The following NPC1 variants were observed in gnomAD, a reference collection of about 807,000 sequenced individuals.
The protein encoded by NPC1 is Niemann-Pick C1 protein.
NPC1 carries 85 observed loss-of-function variants against 140.4 expected under a neutral mutation model. The observed-to-expected ratio is 0.61, with a 90% CI of 0.51 to 0.72. NPC1 has a LOEUF of 0.72. NPC1 is among the 30% of genes least tolerant of loss of function. NPC1 has a pLI of 0.00. For missense variants in NPC1, 1,504 were observed against 1,623.8 expected (o/e 0.93, Z 1.27); for synonymous variants, 656 against 624.8 (o/e 1.05, Z -0.74).
rs774299911 is a variant in NPC1 at position 23,543,552 on chromosome 18, T to C, written c.2148A>G (p.Gln716=). 2.5e-6 allele frequency: 4 copies of C among 1,589,900 alleles called. No homozygotes were observed. Among genetic ancestry groups the C allele is most frequent in the Non-Finnish European group, 2.6e-6 (3 of 1,164,948 alleles). The change falls in exon 14 of 25, where the codon CAA becomes CAG. Residue 716 remains glutamine (Q), a synonymous_variant. Coordinates refer to ENST00000269228, the MANE Select transcript of NPC1 (RefSeq NM_000271.5). ...VQAYQRDERL[Q]GETLDQQLGR... ...CCAGCTGCTGATCCAGGGTTTCCCCTTGAAGACGTTCATCTCTCTTAAAAA... is the reference window on the plus strand; with the variant it reads ...CCAGCTGCTGATCCAGGGTTTCCCCCTGAAGACGTTCATCTCTCTTAAAAA...
At chr18:23,577,912 C>G (rs1038456256) in intron 1 of NPC1, among the ~76,000 whole-genome samples, 1 of 152,246 alleles carries the variant, frequency 6.6e-6, no homozygotes, top group Non-Finnish European at 1.5e-5. Flanking sequence ...GCAGGGCTGG[C>G]TGGCTGCTCC....
intron 4 of NPC1, among the ~76,000 whole-genome samples, chr18:23,566,256 G>A (rs1269133149): frequency 6.6e-6 from 1 of 152,006 alleles, no homozygotes; most frequent in African/African-American, 2.4e-5. Flanking sequence ...AATTAGCTAG[G>A]TGTGGTAGCA....
chr18:23,529,160 T>G (rs368949705), downstream of NPC1: 45 of 1,606,122 alleles, frequency 2.8e-5, no homozygotes, highest in Middle Eastern at 1.3e-3. Context: ...GATCATAGTT[T>G]GTGGTTTTTT....
downstream of NPC1, among the ~76,000 whole-genome samples, chr18:23,531,044 G>T (rs2058486269): frequency 6.6e-6 from 1 of 152,092 alleles, no homozygotes; most frequent in Non-Finnish European, 1.5e-5. Context: ...GCCCAGGCTG[G>T]AGTGCAGTGG....
chr18:23,527,672 T>C (rs530862224), downstream of NPC1: 61 of 758,836 alleles, frequency 8.0e-5, 2 homozygotes, highest in South Asian at 8.6e-4. Context: ...AAGTAGAGTG[T>C]CCTTTAAAGG....
rs374224848 is a variant in NPC1, at chr18:23,523,543, CAAAAAAAA to C, written c.164-645_164-638del. Among the ~76,000 whole-genome samples the C allele has an allele frequency of 1.3e-4, 10 of 76,384 alleles. 1 individual carries two copies. Among genetic ancestry groups the C allele is most frequent in the East Asian group, 1.1e-3 (2 of 1,888 alleles). 50.1% of individuals were successfully genotyped at this position (76,384 alleles called of 152,430 possible). On this transcript the variant is annotated intron_variant, in intron 1 of 1. Transcript: ENST00000590723. ...CTAGGTAACATAGACCTTGTCTTCA[CAAAAAAAA>C]AAAAAAAAAAAAAAAAAAGAAAAAA... is the stretch of plus-strand genomic sequence containing the variant.
chr18:23,586,195 C>G, intron 1 of NPC1, 92 bp downstream of exon 1: 1 of 1,392,548 alleles, frequency 7.2e-7, no homozygotes, highest in Non-Finnish European at 9.7e-7. Context: ...CCCCAGGACC[C>G]GGGCCTGAGC....
At chr18:23,567,093 T>C (rs1396438520) in intron 4 of NPC1, among the ~76,000 whole-genome samples, 1 of 152,222 alleles carries the variant, frequency 6.6e-6, no homozygotes. Context: ...CTGAGAGAAA[T>C]CTTGGTGGCT....
intron 19 of NPC1, 127 bp from the exon 20 acceptor site, chr18:23,538,798 G>GGAAA: frequency 1.0e-6 from 1 of 985,952 alleles, no homozygotes; most frequent in Non-Finnish European, 1.6e-6. Flanking sequence ...TACTAGTGAG[G>GGAAA]GATAATCTTT....
rs1266985177 is a variant in NPC1 at position 23,516,078 on chromosome 18, T to G, written c.432-9436A>C. ...TAGCATCCTAATGTGTCAGGCACGTTAGGGACAGGTTCCTCTAGCCGTAAC... is the reference window on the plus strand; with the variant it reads ...TAGCATCCTAATGTGTCAGGCACGTGAGGGACAGGTTCCTCTAGCCGTAAC... On this transcript the variant is annotated intron_variant, in intron 3 of 3. Coordinates refer to the NPC1 transcript ENST00000591107. The G allele has an allele frequency of 2.5e-6, 4 of 1,588,338 alleles. No homozygotes were observed. The African/African-American group carries it at 4.0e-5, about 16-fold the overall frequency.
At chr18:23,552,914 G>A (rs1368096555) in intron 9 of NPC1, among the ~76,000 whole-genome samples, 4 of 152,202 alleles carry the variant, frequency 2.6e-5, no homozygotes, top group Non-Finnish European at 5.9e-5. Context: ...CTGAGTAACT[G>A]GTAGCTGTCA....
chr18:23,553,373 C>T (rs951897058), intron 9 of NPC1, among the ~76,000 whole-genome samples: 4 of 152,114 alleles, frequency 2.6e-5, no homozygotes, highest in East Asian at 1.9e-4. Context: ...TGGAGAATGC[C>T]GGTTTAGGGT....
At chr18:23,563,902 T>C (rs2059080418) in intron 4 of NPC1, among the ~76,000 whole-genome samples, 1 of 152,138 alleles carries the variant, frequency 6.6e-6, no homozygotes, top group Non-Finnish European at 1.5e-5. Flanking sequence ...TGGTCATTTG[T>C]ATATCTTCCT....
At chr18:23,562,015 C>G (rs769763168) in intron 4 of NPC1, among the ~76,000 whole-genome samples, 13 of 152,272 alleles carry the variant, frequency 8.5e-5, no homozygotes, top group Non-Finnish European at 1.8e-4. Flanking sequence ...GTTGGCCGGG[C>G]ACGGTGGCTC....
intron 3 of NPC1, among the ~76,000 whole-genome samples, chr18:23,513,966 G>A (rs924549179): frequency 5.3e-5 from 8 of 152,138 alleles, no homozygotes; most frequent in South Asian, 2.1e-4. Context: ...CTCCGAATCC[G>A]GAGGTTGCCT....
intron 3 of NPC1, among the ~76,000 whole-genome samples, chr18:23,570,316 T>C (rs1056127353): frequency 1.3e-5 from 2 of 152,232 alleles, no homozygotes; most frequent in South Asian, 4.1e-4. Context: ...TGGAGAAAGG[T>C]TGGCTATCTT....
At chr18:23,547,601 G>A (rs1331214896) in intron 11 of NPC1, among the ~76,000 whole-genome samples, 1 of 152,124 alleles carries the variant, frequency 6.6e-6, no homozygotes, top group Non-Finnish European at 1.5e-5. Context: ...AATTAGCTGG[G>A]TGTGATGGCA....
At chr18:23,513,638 T>C (rs1009695210) in intron 3 of NPC1, among the ~76,000 whole-genome samples, 3 of 152,264 alleles carry the variant, frequency 2.0e-5, no homozygotes, top group Non-Finnish European at 4.4e-5. Flanking sequence ...CCATAGCAGT[T>C]ACACCATTTT....
At position 23,561,505 on chromosome 18, in the gene NPC1, A is replaced by G. The variant is rs757855387; in HGVS notation, c.486T>C (p.Asp162=). 6.2e-7 allele frequency: 1 copy of G among 1,614,112 alleles called. No individual in the cohort carries two copies. The highest frequency in any genetic ancestry group is 1.1e-5 in the South Asian group (1 of 91,080). ...FANAMYNACR[D]VEAPSSNDKA... Reference sequence around the variant, plus strand: ...TGTCATTACTTGAGGGGGCCTCCACATCCCGGCAGGCATTGTACATTGCTA... The same window carrying G: ...TGTCATTACTTGAGGGGGCCTCCACGTCCCGGCAGGCATTGTACATTGCTA... Residue 162 remains aspartate (D), a synonymous_variant, in exon 5 of 25, where the codon GAT becomes GAC. Coordinates refer to ENST00000269228, the MANE Select transcript of NPC1 (RefSeq NM_000271.5).
Sources: gnomAD v4.1 joint callset for allele counts (sites outside exome capture counted in the v4.1 genomes callset) on GRCh38, gnomAD v4.1.1 for gene constraint, MANE v1.5 for transcripts, NCBI Gene and HGNC (gene_info 2026-07-23, HGNC 2026-07-21) for gene names.